UPF2: variants seen among roughly 807,000 people sequenced by gnomAD.
UPF2 encodes regulator of nonsense transcripts 2.
A neutral mutation model predicts 141.4 loss-of-function variants in UPF2; 17 were observed. The ratio of observed to expected loss-of-function variants is 0.12; its 90% confidence interval spans 0.08 to 0.18. The LOEUF (loss-of-function observed/expected upper bound fraction) is 0.18. Ranked by LOEUF, UPF2 falls within the 10% of genes least tolerant of loss-of-function variation. The pLI is 1.00. For synonymous variants in UPF2, 540 were observed against 498.0 expected, an observed-to-expected ratio of 1.08 and a Z score of -1.12; for missense variants, 1,152 against 1,515.9, an observed-to-expected ratio of 0.76 and a Z score of 3.99.
chr10:11,986,796 G>T (rs1833698963), intron 8 of UPF2, among the ~76,000 whole-genome samples: 1 of 152,176 alleles, frequency 6.6e-6, no homozygotes, highest in Non-Finnish European at 1.5e-5. Flanking sequence ...CCACCAGGTG[G>T]TGCAACATAC....
In UPF2 at chr10:12,035,208, G is replaced by A. The variant is rs1834602190; in HGVS notation, c.216C>T (p.Arg72=). 1 of 1,609,370 alleles carries A rather than the reference G, an allele frequency of 6.2e-7. No individual in the cohort carries two copies. The part of the protein sequence containing the change: ...DDKRKKEDKE[R]KKKDEEKVKA... ...TCACCTTTTCTTCGTCTTTTTTCTTGCGTTCCTTGTCTTCCTTTTTTCTCT... is the reference window on the plus strand; with the variant it reads ...TCACCTTTTCTTCGTCTTTTTTCTTACGTTCCTTGTCTTCCTTTTTTCTCT... The change falls in exon 2 of 22, where the codon CGC becomes CGT. Residue 72 remains arginine (R), a synonymous_variant. Transcript: ENST00000357604.
intron 8 of UPF2, among the ~76,000 whole-genome samples, chr10:11,996,342 C>T (rs72777718): frequency 1.8e-5 from 2 of 108,274 alleles, no homozygotes; most frequent in Non-Finnish European, 3.6e-5. Flanking sequence ...TAAACTGTCA[C>T]TTCATTCAAC....
intron 16 of UPF2, among the ~76,000 whole-genome samples, chr10:11,944,534 C>T (rs1040344283): frequency 2.6e-5 from 4 of 151,932 alleles, no homozygotes; most frequent in Admixed American, 2.0e-4. Context: ...TTACCTTTTC[C>T]CCCCAAATGC....
Position 12,016,544 on chromosome 10 carries a change from A to C in UPF2, c.1146-2360T>G, listed in dbSNP as rs1013576970. On this transcript the variant is annotated intron_variant, in intron 3 of 21. Coordinates refer to ENST00000357604, the MANE Select transcript of UPF2 (RefSeq NM_015542.4). This position sits in a 1 kb window ranked among gnomAD's most constrained non-coding sequence, Gnocchi z 4.1. The stretch of plus-strand genomic sequence containing the variant: ...CTCTGTCTCTACTAAAAATACAAAA[A>C]TTAGCCGGGTGTGGTGGTAGGTGCC... Among the ~76,000 whole-genome samples the C allele has an allele frequency of 6.6e-6, 1 of 151,884 alleles. No individual in the cohort carries two copies. The highest frequency in any genetic ancestry group is 2.4e-5 in the African/African-American group (1 of 41,380).
chr10:11,994,275 T>C (rs774895679), intron 8 of UPF2, among the ~76,000 whole-genome samples: 21 of 152,130 alleles, frequency 1.4e-4, no homozygotes, highest in Non-Finnish European at 2.2e-4. Flanking sequence ...CAGTTAAATA[T>C]AGTACATTCA....
In UPF2 at chr10:11,959,010, ATAT is replaced by A. The variant is rs1833198509; in HGVS notation, c.2370+158_2370+160del. On this transcript the variant is annotated intron_variant, in intron 12 of 21. Coordinates refer to ENST00000357604, the MANE Select transcript of UPF2 (RefSeq NM_015542.4). This position sits in a 1 kb window ranked among gnomAD's most constrained non-coding sequence, Gnocchi z 5.9. ...AAGGAAAACAAAACCTATGTCCCAA[ATAT>A]TATATATCATCATAAGAATTCCTTC... 6.6e-6 allele frequency among the ~76,000 whole-genome samples: 1 copy of A among 152,240 alleles called. No homozygotes were observed. Among genetic ancestry groups the A allele is most frequent in the South Asian group, 2.1e-4 (1 of 4,836 alleles).
At position 12,029,098 on chromosome 10, in the gene UPF2, A is replaced by G. The variant is rs755810749; in HGVS notation, c.792T>C (p.Thr264=). 4.3e-6 allele frequency: 7 copies of G among 1,614,226 alleles called. No individual in the cohort carries two copies. In the South Asian group the frequency reaches 7.7e-5, roughly 18 times the overall value. The change falls in exon 3 of 22, where the codon ACT becomes ACC. Residue 264 remains threonine, a synonymous_variant. Coordinates refer to ENST00000357604, the MANE Select transcript of UPF2 (RefSeq NM_015542.4). ...TCAATTCTGCAATAAAACGCAAATC[A>G]GTTCTTAACTTGGTGATGTTAGGTG... The part of the protein sequence containing the change: ...EKTPNITKLR[T]DLRFIAELTI...
chr10:11,952,469 CTTTTTTTTT>C (rs869201076), intron 14 of UPF2, among the ~76,000 whole-genome samples: 5 of 97,740 alleles, frequency 5.1e-5, no homozygotes, highest in Non-Finnish European at 7.6e-5. Flanking sequence ...TACTAAATAT[CTTTTTTTTT>C]TTTTTTTTTT....
In UPF2 at chr10:12,042,591, C is replaced by A. The variant is rs1010052675; in HGVS notation, c.-19+164G>T. Reference sequence around the variant, plus strand: ...TCGGAGACAGGGGGTCTGAGGAGAACGACGCCGGACCCGCGGTCCCTCCAC... The same window carrying A: ...TCGGAGACAGGGGGTCTGAGGAGAAAGACGCCGGACCCGCGGTCCCTCCAC... On this transcript the variant is annotated intron_variant, in intron 1 of 21. Coordinates refer to ENST00000357604, the MANE Select transcript of UPF2 (RefSeq NM_015542.4). This position sits in a 1 kb window ranked among gnomAD's most constrained non-coding sequence, Gnocchi z 5.5. 2.0e-5 allele frequency among the ~76,000 whole-genome samples: 3 copies of A among 152,134 alleles called. No homozygotes were observed. Among genetic ancestry groups the A allele is most frequent in the African/African-American group, 7.2e-5 (3 of 41,438 alleles).
chr10:12,039,621 TC>T (rs1373444493), intron 1 of UPF2, among the ~76,000 whole-genome samples: 14 of 139,018 alleles, frequency 1.0e-4, no homozygotes, highest in Non-Finnish European at 2.1e-4. Flanking sequence ...TCTCTCTCTC[TC>T]TTTTTTTTTT....
chr10:11,952,717 G>A (rs1255638788), intron 14 of UPF2, among the ~76,000 whole-genome samples: 10 of 151,842 alleles, frequency 6.6e-5, no homozygotes, highest in South Asian at 2.1e-4. Flanking sequence ...CTCGTGATCC[G>A]CCCGCCTTGG....
Position 11,936,635 on chromosome 10 carries a change from T to C in UPF2, c.3456A>G (p.Lys1152=), listed in dbSNP as rs756276764. 18 of 1,613,454 alleles carry C rather than the reference T, an allele frequency of 1.1e-5. No individual in the cohort carries two copies. Among genetic ancestry groups the C allele is most frequent in the African/African-American group, 2.7e-5 (2 of 74,928 alleles). ...IPLHLKSQLR[K]GPPLGGGEGE... is the part of the protein sequence containing the mutation. The stretch of plus-strand genomic sequence containing the variant: ...CTTCCCCACCTCCCAGTGGGGGCCC[T>C]TTCCTCAGCTGGCTTTTGAGATGCA... Residue 1152 remains lysine, a synonymous_variant, in exon 19 of 22, where the codon AAA becomes AAG. Transcript: ENST00000357604. This position sits in a 1 kb window ranked among gnomAD's most constrained non-coding sequence, Gnocchi z 6.6.
chr10:12,020,542 T>G (rs1174762972), intron 3 of UPF2, among the ~76,000 whole-genome samples: 1 of 152,182 alleles, frequency 6.6e-6, no homozygotes, highest in Admixed American at 6.6e-5. Context: ...ACATAAAAAT[T>G]TATAAAATCA....
At chr10:11,950,851 T>A (rs1228803234) in intron 15 of UPF2, among the ~76,000 whole-genome samples, 1 of 152,222 alleles carries the variant, frequency 6.6e-6, no homozygotes, top group Admixed American at 6.5e-5. Flanking sequence ...CGGGTTAAGT[T>A]GTAGGAAAAG....
chr10:11,964,232 C>T, intron 10 of UPF2, 107 bp from the exon 11 acceptor site: 2 of 711,234 alleles, frequency 2.8e-6, no homozygotes, highest in Non-Finnish European at 4.3e-6. Context: ...ACGTAAAAAA[C>T]AGAAGTGAGT....
At chr10:11,932,365 C>G (rs1832793120) in intron 19 of UPF2, among the ~76,000 whole-genome samples, 1 of 151,638 alleles carries the variant, frequency 6.6e-6, no homozygotes, top group Non-Finnish European at 1.5e-5. Flanking sequence ...TAGTATAAAA[C>G]ATTATAAAGA....
At chr10:11,988,545 T>G (rs113653204) in intron 8 of UPF2, among the ~76,000 whole-genome samples, 15 of 152,274 alleles carry the variant, frequency 9.9e-5, no homozygotes, top group African/African-American at 3.4e-4. Context: ...CTTTAGGCCA[T>G]CCTCCTGCCT....
intron 9 of UPF2, among the ~76,000 whole-genome samples, chr10:11,968,587 A>G (rs915798446): frequency 6.7e-6 from 1 of 148,388 alleles, no homozygotes; most frequent in Admixed American, 6.8e-5. Context: ...GAAAGAGCCA[A>G]TATAATCACT....
intron 8 of UPF2, among the ~76,000 whole-genome samples, chr10:11,990,037 A>G (rs996639751): frequency 1.3e-5 from 2 of 152,262 alleles, no homozygotes; most frequent in South Asian, 4.1e-4. Flanking sequence ...ATAGGAAGCT[A>G]GAATGATATT....
Sources: allele counts gnomAD v4.1 joint callset (sites outside exome capture counted in the v4.1 genomes callset), GRCh38; gene constraint gnomAD v4.1.1; non-coding constraint Gnocchi (gnomAD v3.1); transcripts MANE v1.5; gene names NCBI Gene and HGNC (gene_info 2026-07-23, HGNC 2026-07-21).